The following TXNDC9 variants were observed in gnomAD, a reference collection of about 807,000 sequenced individuals.
TXNDC9 encodes thioredoxin domain-containing protein 9.
TXNDC9 carries 7 observed loss-of-function variants against 23.0 expected under a neutral mutation model. That is an observed-to-expected ratio of 0.30 (90% CI 0.17 to 0.57). TXNDC9 has a LOEUF of 0.57. TXNDC9 is among the 20% of genes least tolerant of loss of function. The probability of loss-of-function intolerance (pLI) is 0.90; values close to 1 mark genes in which losing one functional copy is unlikely to be tolerated. For synonymous variants in TXNDC9, 72 were observed against 90.6 expected (o/e 0.79, Z 1.17); for missense variants, 198 against 252.6 (o/e 0.78, Z 1.47).
chr2:99,307,101 TCCTTCTCA>T, the TXNDC9 span, among the ~76,000 whole-genome samples: 1 of 122,222 alleles, frequency 8.2e-6, no homozygotes, highest in African/African-American at 2.8e-5. Flanking sequence ...ACTCTCTCTC[TCCTTCTCA>T]CTCTCTCTCT....
intron 2 of TXNDC9, 133 bp downstream of exon 2, chr2:99,332,889 A>C (rs993608090): frequency 2.7e-6 from 2 of 731,252 alleles, no homozygotes; most frequent in African/African-American, 3.6e-5. Context: ...CAAATTTTTA[A>C]CAGTAATAGG....
In TXNDC9 at chr2:99,333,245, G is replaced by C; in HGVS notation, c.-32-3C>G. On this transcript the variant is annotated splice_polypyrimidine_tract_variant and splice_region_variant and intron_variant, in intron 1 of 4. Coordinates refer to ENST00000264255, the MANE Select transcript of TXNDC9 (RefSeq NM_005783.4). The stretch of plus-strand genomic sequence containing the variant: ...TGGTACAGAGTTCAGCCTGGGTGCT[G>C]GGGAGAAGATTTACAAAATACATTT... 1.3e-6 allele frequency: 2 copies of C among 1,572,134 alleles called. No homozygotes were observed. Among genetic ancestry groups the C allele is most frequent in the South Asian group, 2.4e-5 (2 of 84,742 alleles).
At chr2:99,310,472 C>T in the TXNDC9 span, among the ~76,000 whole-genome samples, 23 of 152,194 alleles carry the variant, frequency 1.5e-4, no homozygotes, top group South Asian at 1.0e-3. Context: ...CTGGCCAGAG[C>T]GGTGGTTTTC....
chr2:99,327,402 G>T, intron 3 of TXNDC9, 133 bp downstream of exon 3: 1 of 674,172 alleles, frequency 1.5e-6, no homozygotes, highest in Non-Finnish European at 2.6e-6. Flanking sequence ...AATAACATAT[G>T]AGAGAGTACA....
the TXNDC9 span, among the ~76,000 whole-genome samples, chr2:99,312,530 A>T: frequency 1.3e-5 from 2 of 151,944 alleles, no homozygotes; most frequent in Non-Finnish European, 2.9e-5. Context: ...AAATATTTTC[A>T]TATGTACCAT....
intron 4 of TXNDC9, among the ~76,000 whole-genome samples, chr2:99,320,634 T>G (rs2094199418): frequency 6.6e-6 from 1 of 152,144 alleles, no homozygotes; most frequent in Non-Finnish European, 1.5e-5. Flanking sequence ...TGAGAAAACT[T>G]GAAATAAGAG....
intron 3 of TXNDC9, among the ~76,000 whole-genome samples, chr2:99,325,368 A>G (rs1010219013): frequency 3.9e-5 from 6 of 152,160 alleles, no homozygotes; most frequent in Non-Finnish European, 8.8e-5. Flanking sequence ...AGGTGAGTCA[A>G]TTTCTCCAAA....
chr2:99,313,408 G>A, the TXNDC9 span, among the ~76,000 whole-genome samples: 3 of 152,076 alleles, frequency 2.0e-5, no homozygotes, highest in Admixed American at 6.6e-5. Flanking sequence ...TTTAGAATAT[G>A]GTGATATATA....
intron 3 of TXNDC9, among the ~76,000 whole-genome samples, chr2:99,326,838 A>G (rs1325007654): frequency 6.6e-6 from 1 of 152,192 alleles, no homozygotes; most frequent in African/African-American, 2.4e-5. Context: ...CTGACTCTCA[A>G]CAGCTGTTGC....
chr2:99,322,522 G>A (rs2094204895), intron 3 of TXNDC9: 1 of 1,468,268 alleles, frequency 6.8e-7, no homozygotes, highest in East Asian at 2.5e-5. Context: ...ACTTGAAGAG[G>A]AACAAACTGA....
chr2:99,324,623 G>C (rs1441179448), intron 3 of TXNDC9, among the ~76,000 whole-genome samples: 1 of 151,986 alleles, frequency 6.6e-6, no homozygotes, highest in Non-Finnish European at 1.5e-5. Flanking sequence ...GCCCAGGCTA[G>C]AGTGCAGTGG....
chr2:99,313,884 T>C, the TXNDC9 span, among the ~76,000 whole-genome samples: 1 of 152,244 alleles, frequency 6.6e-6, no homozygotes, highest in Non-Finnish European at 1.5e-5. Context: ...TAAAATATTC[T>C]AACATCTGAC....
the TXNDC9 span, among the ~76,000 whole-genome samples, chr2:99,310,916 C>A: frequency 1.3e-4 from 20 of 152,210 alleles, no homozygotes; most frequent in African/African-American, 4.8e-4. Flanking sequence ...TTGCCAAAAT[C>A]TTTTCTCCGT....
At chr2:99,315,485 T>C (rs1183387765), downstream of TXNDC9, among the ~76,000 whole-genome samples, 5 of 152,222 alleles carry the variant, frequency 3.3e-5, no homozygotes, top group East Asian at 5.8e-4. Flanking sequence ...CAATTCTGAG[T>C]TGTTATTCTA....
chr2:99,311,237 T>A, the TXNDC9 span, among the ~76,000 whole-genome samples: 1 of 151,768 alleles, frequency 6.6e-6, no homozygotes, highest in Non-Finnish European at 1.5e-5. Context: ...ACAGGAGAAT[T>A]TTTTTATCTT....
At chr2:99,326,540 A>C (rs1300555551) in intron 3 of TXNDC9, among the ~76,000 whole-genome samples, 1 of 152,184 alleles carries the variant, frequency 6.6e-6, no homozygotes, top group African/African-American at 2.4e-5. Flanking sequence ...TTTCAAAAGG[A>C]GTTATCTCTC....
the TXNDC9 span, among the ~76,000 whole-genome samples, chr2:99,312,261 T>G: frequency 6.6e-6 from 1 of 152,120 alleles, no homozygotes; most frequent in Non-Finnish European, 1.5e-5. Context: ...TTTGGGAGGC[T>G]GAGGTGAGTG....
the TXNDC9 span, chr2:99,306,714 G>T: frequency 2.3e-6 from 1 of 436,194 alleles, no homozygotes; most frequent in Non-Finnish European, 4.6e-6. Context: ...TTGCTGAACT[G>T]AGGACATGTG....
At chr2:99,330,203 T>C (rs1056800825) in intron 2 of TXNDC9, among the ~76,000 whole-genome samples, 7 of 139,936 alleles carry the variant, frequency 5.0e-5, no homozygotes, top group African/African-American at 1.9e-4. Flanking sequence ...GGCAGAAGAA[T>C]TGCTTGATCC....
Sources: gnomAD v4.1 joint callset for allele counts (sites outside exome capture counted in the v4.1 genomes callset) on GRCh38, gnomAD v4.1.1 for gene constraint, MANE v1.5 for transcripts, NCBI Gene and HGNC (gene_info 2026-07-23, HGNC 2026-07-21) for gene names.